Variants in SEMA3D observed in about 807,000 individuals in gnomAD.
SEMA3D encodes semaphorin-3D.
In SEMA3D, 84 loss-of-function variants were observed where a neutral mutation model predicts 100.1. The observed-to-expected ratio is 0.84, with a 90% CI of 0.70 to 1.01. The LOEUF (loss-of-function observed/expected upper bound fraction) is 1.01. Among genes scored for constraint, SEMA3D ranks in the 50% least tolerant of loss-of-function variants. The pLI, the probability that SEMA3D is intolerant of heterozygous loss-of-function variation, is 0.00. For missense variants in SEMA3D, 875 were observed against 934.1 expected, an observed-to-expected ratio of 0.94 and a Z score of 0.82; for synonymous variants, 312 against 320.7, an observed-to-expected ratio of 0.97 and a Z score of 0.29.
the SEMA3D span, among the ~76,000 whole-genome samples, chr7:85,235,319 T>C: frequency 9.2e-5 from 14 of 152,164 alleles, no homozygotes; most frequent in Non-Finnish European, 1.6e-4. Context: ...TCTTACCAAG[T>C]ATGTTGTCGG....
At chr7:85,014,546 T>C (rs1306550129) in intron 16 of SEMA3D, among the ~76,000 whole-genome samples, 2 of 151,804 alleles carry the variant, frequency 1.3e-5, no homozygotes, top group Non-Finnish European at 2.9e-5. Context: ...GGAAACCGTT[T>C]GTTGTTTAAT....
At chr7:85,150,489 C>T (rs1289758426) in intron 2 of SEMA3D, among the ~76,000 whole-genome samples, 16 of 139,708 alleles carry the variant, frequency 1.1e-4, no homozygotes, top group East Asian at 2.1e-4. Context: ...TATATATATA[C>T]ACACACACAC....
At chr7:85,038,360 C>T (rs1416136553) in intron 11 of SEMA3D, among the ~76,000 whole-genome samples, 3 of 152,104 alleles carry the variant, frequency 2.0e-5, no homozygotes, top group East Asian at 3.9e-4. Flanking sequence ...ATGGAGGTGG[C>T]GTTGCCACAG....
At chr7:85,070,193 A>C (rs1791733165) in intron 6 of SEMA3D, among the ~76,000 whole-genome samples, 1 of 152,246 alleles carries the variant, frequency 6.6e-6, no homozygotes, top group African/African-American at 2.4e-5. Context: ...AGTTGTTGAC[A>C]GCAGCACTGA....
chr7:85,144,527 C>G lies in SEMA3D; in HGVS notation c.-41+9081G>C, dbSNP rs73379831. 1,946 of 984,186 alleles carry G rather than the reference C, an allele frequency of 2.0e-3. 18 individuals are homozygous for G. The highest frequency in any genetic ancestry group is 0.018 in the African/African-American group (1,007 of 57,298). 61.0% of individuals were successfully genotyped at this position (984,186 alleles called of 1,614,324 possible). On this transcript the variant is annotated intron_variant, in intron 2 of 18. Transcript: ENST00000284136. ...ATAGAGATATATTTTTTGCCTTATG[C>G]TTCATGTAATAGAAAAATGAACACA...
At chr7:85,125,696 A>C (rs1583947864) in intron 2 of SEMA3D, among the ~76,000 whole-genome samples, 1 of 152,034 alleles carries the variant, frequency 6.6e-6, no homozygotes, top group Non-Finnish European at 1.5e-5. Context: ...CTATAAATTC[A>C]ATAGTTAATC....
intron 3 of SEMA3D, among the ~76,000 whole-genome samples, chr7:85,120,177 G>GT (rs1789368654): frequency 6.6e-6 from 1 of 151,956 alleles, no homozygotes. Context: ...TAGTTGAAGA[G>GT]TTGTTTATGG....
intron 1 of SEMA3D, among the ~76,000 whole-genome samples, chr7:85,178,761 G>T (rs1360764213): frequency 6.6e-6 from 1 of 152,168 alleles, no homozygotes; most frequent in Non-Finnish European, 1.5e-5. Context: ...AGACAATGGG[G>T]AAATGTCTCC....
At chr7:85,177,415 G>A (rs985852711) in intron 1 of SEMA3D, among the ~76,000 whole-genome samples, 3 of 152,000 alleles carry the variant, frequency 2.0e-5, no homozygotes, top group African/African-American at 7.3e-5. Flanking sequence ...CACTTAATGT[G>A]GTAGATGTTA....
chr7:85,154,221 G>T (rs1583973479), intron 1 of SEMA3D, among the ~76,000 whole-genome samples: 1 of 152,146 alleles, frequency 6.6e-6, no homozygotes, highest in East Asian at 1.9e-4. Flanking sequence ...ACACTACAGA[G>T]AATTCCCAAG....
At chr7:85,028,744 T>C in intron 12 of SEMA3D, 1 of 199,756 alleles carries the variant, frequency 5.0e-6, no homozygotes, top group Admixed American at 5.3e-5. Context: ...GAGAATTGAA[T>C]GCTGAGCCTG....
At chr7:85,137,600 A>AATTG (rs1207997487) in intron 2 of SEMA3D, among the ~76,000 whole-genome samples, 1 of 152,104 alleles carries the variant, frequency 6.6e-6, no homozygotes, top group African/African-American at 2.4e-5. Context: ...GGGTTGCTAC[A>AATTG]ATTGGTATTC....
intron 1 of SEMA3D, among the ~76,000 whole-genome samples, chr7:85,181,139 T>A (rs900643306): frequency 1.3e-5 from 2 of 152,148 alleles, no homozygotes; most frequent in Non-Finnish European, 2.9e-5. Flanking sequence ...CTGGCTAAGA[T>A]CGTGAGATAG....
At chr7:85,173,141 A>T (rs943930822) in intron 1 of SEMA3D, among the ~76,000 whole-genome samples, 6 of 152,038 alleles carry the variant, frequency 3.9e-5, no homozygotes, top group African/African-American at 1.4e-4. Context: ...AGAGAGAAAG[A>T]GACAGAGAGA....
the SEMA3D span, among the ~76,000 whole-genome samples, chr7:85,201,524 T>C: frequency 9.9e-4 from 151 of 152,266 alleles, 1 homozygote; most frequent in African/African-American, 3.6e-3. Context: ...TATTTTATTA[T>C]TTATATGTAA....
At chr7:85,125,283 T>A (rs189918207) in intron 2 of SEMA3D, among the ~76,000 whole-genome samples, 1 of 152,202 alleles carries the variant, frequency 6.6e-6, no homozygotes, top group African/African-American at 2.4e-5. Flanking sequence ...GTGCAGGACA[T>A]TTCCTGGGAA....
chr7:85,039,969 C>CTT (rs776990536), intron 11 of SEMA3D, among the ~76,000 whole-genome samples: 3,509 of 90,532 alleles, frequency 0.039, 289 homozygotes, highest in African/African-American at 0.16. Context: ...TACGCAAACA[C>CTT]TTTTTTTTTT....
the SEMA3D span, among the ~76,000 whole-genome samples, chr7:85,197,774 T>C: frequency 6.6e-6 from 1 of 152,168 alleles, no homozygotes; most frequent in African/African-American, 2.4e-5. Flanking sequence ...ATTCTACTCA[T>C]AGAGCCCAAG....
chr7:85,100,518 C>A (rs554167634), intron 3 of SEMA3D, among the ~76,000 whole-genome samples: 2 of 151,730 alleles, frequency 1.3e-5, no homozygotes, highest in Non-Finnish European at 2.9e-5. Flanking sequence ...CCATTATATG[C>A]TATCTGACTT....
Sources: gnomAD v4.1 joint callset for allele counts (sites outside exome capture counted in the v4.1 genomes callset) on GRCh38, gnomAD v4.1.1 for gene constraint, MANE v1.5 for transcripts, NCBI Gene and HGNC (gene_info 2026-07-23, HGNC 2026-07-21) for gene names.